Variants in PCDHGB4 observed in about 807,000 individuals in gnomAD.
The protein encoded by PCDHGB4 is protocadherin gamma-B4.
PCDHGB4 carries 38 observed loss-of-function variants against 60.5 expected under a neutral mutation model. That is an observed-to-expected ratio of 0.63 (90% CI 0.48 to 0.82). PCDHGB4 has a LOEUF of 0.82. Among genes scored for constraint, PCDHGB4 ranks in the 40% least tolerant of loss-of-function variants. PCDHGB4 has a pLI of 0.00. For synonymous variants in PCDHGB4, 456 were observed against 509.7 expected (o/e 0.89, Z 1.42); for missense variants, 1,109 against 1,209.6 (o/e 0.92, Z 1.23).
chr5:141,438,337 T>C (rs935624931), intron 1 of PCDHGB4, among the ~76,000 whole-genome samples: 25 of 151,926 alleles, frequency 1.6e-4, no homozygotes, highest in Non-Finnish European at 1.9e-4. Context: ...ACATGTCATA[T>C]AAGGATCTAC....
At chr5:141,419,407 G>A (rs1426208057) in intron 1 of PCDHGB4, 20 of 1,613,396 alleles carry the variant, frequency 1.2e-5, no homozygotes, top group Non-Finnish European at 1.4e-5. Flanking sequence ...TGGTGTTCGC[G>A]CAGCGCGCCT....
At chr5:141,418,539 A>G (rs984639830) in intron 1 of PCDHGB4, 14 of 1,614,034 alleles carry the variant, frequency 8.7e-6, no homozygotes, top group Non-Finnish European at 1.0e-5. Context: ...GGTACTGCTC[A>G]GATAAGAATC....
chr5:141,477,253 G>A lies in PCDHGB4; in HGVS notation c.2398-17554G>A, dbSNP rs1303718568. The A allele has an allele frequency of 1.9e-6, 3 of 1,614,154 alleles. No individual in the cohort carries two copies. The highest frequency in any genetic ancestry group is 2.2e-5 in the South Asian group (2 of 91,070). Reference sequence around the variant, plus strand: ...TCGCTTTGCTCAGTGTGACTGACCTGGATGCTGGCGAGAACGGGCTGGTGA... The same window carrying A: ...TCGCTTTGCTCAGTGTGACTGACCTAGATGCTGGCGAGAACGGGCTGGTGA... On this transcript the variant is annotated intron_variant, in intron 1 of 3. Transcript: ENST00000519479. This position sits in a 1 kb window ranked among gnomAD's most constrained non-coding sequence, Gnocchi z 4.9.
At chr5:141,483,224 G>A (rs530779494) in intron 1 of PCDHGB4, among the ~76,000 whole-genome samples, 17 of 152,242 alleles carry the variant, frequency 1.1e-4, no homozygotes, top group Middle Eastern at 3.4e-3. Flanking sequence ...AGTCACTGCA[G>A]AAATTTGAAC....
At chr5:141,417,821 A>C in intron 1 of PCDHGB4, 3 of 1,515,060 alleles carry the variant, frequency 2.0e-6, no homozygotes, top group Non-Finnish European at 1.8e-6. Context: ...ACTTTCTCCA[A>C]CTGGAAAAGC....
chr5:141,430,953 G>A (rs2097330054), intron 1 of PCDHGB4: 1 of 1,611,124 alleles, frequency 6.2e-7, no homozygotes, highest in African/African-American at 1.3e-5. Context: ...CGCGGAGTCC[G>A]CATCATCCCC....
At chr5:141,509,481 A>G (rs2099877035) in intron 3 of PCDHGB4, among the ~76,000 whole-genome samples, 1 of 152,010 alleles carries the variant, frequency 6.6e-6, no homozygotes, top group Admixed American at 6.6e-5. Flanking sequence ...TGAGGGGTAG[A>G]GGTGATGGCA....
chr5:141,462,911 T>C (rs1263378930), intron 1 of PCDHGB4, among the ~76,000 whole-genome samples: 1 of 152,248 alleles, frequency 6.6e-6, no homozygotes, highest in Non-Finnish European at 1.5e-5. Flanking sequence ...ATTATGTTTT[T>C]TGCAGATCAG....
intron 1 of PCDHGB4, chr5:141,415,740 GTTTTTTTTTTTTTTTTTTTTT>G: frequency 1.6e-6 from 1 of 617,990 alleles, no homozygotes; most frequent in Non-Finnish European, 2.1e-6. Context: ...GTTTATTAAG[GTTTTTTTTTTTTTTTTTTTTT>G]TTTTTTTTTT....
intron 1 of PCDHGB4, among the ~76,000 whole-genome samples, chr5:141,425,410 A>G (rs1283299220): frequency 2.0e-5 from 3 of 152,240 alleles, no homozygotes; most frequent in African/African-American, 7.2e-5. Flanking sequence ...TTAAGGTATA[A>G]CATATAGTCC....
intron 1 of PCDHGB4, among the ~76,000 whole-genome samples, chr5:141,468,131 C>A (rs1006565854): frequency 1.3e-5 from 2 of 151,650 alleles, no homozygotes; most frequent in South Asian, 4.2e-4. Context: ...TTGAGACCAG[C>A]CTGGCCAACA....
intron 2 of PCDHGB4, among the ~76,000 whole-genome samples, chr5:141,505,146 A>G (rs2099844101): frequency 6.6e-6 from 1 of 152,190 alleles, no homozygotes; most frequent in Non-Finnish European, 1.5e-5. Flanking sequence ...TGGATGACAG[A>G]GTAAGACCCT....
Position 141,486,829 on chromosome 5 carries a change from T to A in PCDHGB4, c.2398-7978T>A. 1 of 1,614,178 alleles carries A rather than the reference T, an allele frequency of 6.2e-7. No individual in the cohort carries two copies. On this transcript the variant is annotated intron_variant, in intron 1 of 3. Coordinates refer to ENST00000519479, the MANE Select transcript of PCDHGB4 (RefSeq NM_003736.4). The surrounding 1 kb of genome is among the most constrained non-coding windows in gnomAD (Gnocchi z 5.0). ...CCCTTAGCAGCACTGTAACAGTTCG[T>A]CTATTTGTGCTGGACCTCAATGACA...
rs1385144710 is a variant in PCDHGB4 at position 141,399,080 on chromosome 5, G to C, written c.2397+8799G>C. 1 of 1,613,696 alleles carries C rather than the reference G, an allele frequency of 6.2e-7. No homozygotes were observed. On this transcript the variant is annotated intron_variant, in intron 1 of 3. Transcript: ENST00000519479. ...GAATATTCAATGGTTGTAGAAGGGA[G>C]GGATGGTGGTGGACTGGTTGCACAA...
At chr5:141,391,213 C>T (rs1255778682) in intron 1 of PCDHGB4, 1 of 152,056 alleles carries the variant, frequency 6.6e-6, no homozygotes, top group African/African-American at 2.4e-5. Flanking sequence ...TACCAAGGAA[C>T]ATTATATGAG....
chr5:141,477,212 C>T lies in PCDHGB4; in HGVS notation c.2398-17595C>T, dbSNP rs1488282405. On this transcript the variant is annotated intron_variant, in intron 1 of 3. Coordinates refer to ENST00000519479, the MANE Select transcript of PCDHGB4 (RefSeq NM_003736.4). This position sits in a 1 kb window ranked among gnomAD's most constrained non-coding sequence, Gnocchi z 4.9. ...GTACAGCCCAGTACCCGAGGATGCC[C>T]CTCTGGGGACTGTCATCGCTTTGCT... 11 of 1,614,048 alleles carry T rather than the reference C, an allele frequency of 6.8e-6. No individual in the cohort carries two copies. The highest frequency in any genetic ancestry group is 1.3e-5 in the African/African-American group (1 of 74,918).
chr5:141,410,083 C>T (rs752701599), intron 1 of PCDHGB4: 102 of 1,612,590 alleles, frequency 6.3e-5, no homozygotes, highest in Non-Finnish European at 4.7e-5. Flanking sequence ...GGGAGGTGCG[C>T]ACGGCTCGAG....
chr5:141,435,973 G>T (rs1420195337), intron 1 of PCDHGB4, among the ~76,000 whole-genome samples: 1 of 152,028 alleles, frequency 6.6e-6, no homozygotes, highest in East Asian at 1.9e-4. Context: ...AGAGTGTGTG[G>T]TTCTACTTGT....
chr5:141,414,435 C>T lies in PCDHGB4; in HGVS notation c.2397+24154C>T, dbSNP rs891322256. 4.3e-6 allele frequency: 7 copies of T among 1,613,678 alleles called. No homozygotes were observed. In the African/African-American group the frequency reaches 8.0e-5, roughly 18 times the overall value. On this transcript the variant is annotated intron_variant, in intron 1 of 3. Coordinates refer to ENST00000519479, the MANE Select transcript of PCDHGB4 (RefSeq NM_003736.4). ...GAGCCCTTGACAGGGAACAGGTATC[C>T]TCTTACAATATCACAGTGACAGCCA...
Sources: gnomAD v4.1 joint callset for allele counts (sites outside exome capture counted in the v4.1 genomes callset) on GRCh38, gnomAD v4.1.1 for gene constraint, Gnocchi (gnomAD v3.1) non-coding constraint, MANE v1.5 for transcripts, NCBI Gene and HGNC (gene_info 2026-07-23, HGNC 2026-07-21) for gene names.